IQCH: variants seen among roughly 807,000 people sequenced by gnomAD.
IQCH encodes IQ motif containing H.
A neutral mutation model predicts 117.0 loss-of-function variants in IQCH; 98 were observed. The observed-to-expected ratio is 0.84, with a 90% CI of 0.71 to 0.99. The LOEUF is 0.99. IQCH is among the 50% of genes least tolerant of loss of function. The pLI is 0.00. For missense variants in IQCH, 1,102 were observed against 1,243.8 expected (o/e 0.89, Z 1.72); for synonymous variants, 412 against 448.2 (o/e 0.92, Z 1.02).
intron 16 of IQCH, among the ~76,000 whole-genome samples, chr15:67,464,260 G>A (rs1358494279): frequency 6.6e-6 from 1 of 152,178 alleles, no homozygotes; most frequent in Non-Finnish European, 1.5e-5. Flanking sequence ...TGTGGGGATG[G>A]GGGATGACAA....
chr15:67,469,131 T>TC (rs1257685529), intron 17 of IQCH, among the ~76,000 whole-genome samples: 2 of 151,728 alleles, frequency 1.3e-5, no homozygotes, highest in African/African-American at 4.9e-5. Context: ...TTTTGTCTTT[T>TC]TTTTTCTCCT....
intron 19 of IQCH, among the ~76,000 whole-genome samples, chr15:67,492,365 G>C (rs1281082314): frequency 6.6e-6 from 1 of 152,150 alleles, no homozygotes; most frequent in Non-Finnish European, 1.5e-5. Context: ...GACACGACTG[G>C]AACCAGACAA....
At chr15:67,418,704 G>A (rs955504777) in intron 15 of IQCH, among the ~76,000 whole-genome samples, 5 of 150,376 alleles carry the variant, frequency 3.3e-5, no homozygotes, top group African/African-American at 1.2e-4. Context: ...TCAGCCTCCT[G>A]ATAGCTGGGA....
chr15:67,421,612 T>C, intron 16 of IQCH, 35 bp downstream of exon 16: 1 of 1,609,054 alleles, frequency 6.2e-7, no homozygotes, highest in East Asian at 2.2e-5. Flanking sequence ...AATGCTAAAA[T>C]ATGTAATGAC....
rs576393353 is a variant in IQCH at position 67,443,238 on chromosome 15, C to T, written c.2505+21661C>T. On this transcript the variant is annotated intron_variant, in intron 16 of 20. Coordinates refer to ENST00000335894, the MANE Select transcript of IQCH (RefSeq NM_001031715.3). This position sits in a 1 kb window ranked among gnomAD's most constrained non-coding sequence, Gnocchi z 5.0. ...CGATCTCCTGAACTCGTCATCCACC[C>T]GCCTCGGCCTCCCAAAGTGCTGGGA... 6.0e-4 allele frequency among the ~76,000 whole-genome samples: 92 copies of T among 152,266 alleles called. No individual in the cohort carries two copies. The highest frequency in any genetic ancestry group is 2.1e-3 in the African/African-American group (86 of 41,546).
In IQCH at chr15:67,384,328, C is replaced by T. The variant is rs574618259; in HGVS notation, c.1373-608C>T. On this transcript the variant is annotated intron_variant, in intron 10 of 20. Coordinates refer to ENST00000335894, the MANE Select transcript of IQCH (RefSeq NM_001031715.3). This position sits in a 1 kb window ranked among gnomAD's most constrained non-coding sequence, Gnocchi z 4.3. ...TTCATATGTGTTTTCCCTTCTGCTA[C>T]GTTTCCAGTGGAAATGAAGGCAAAC... is the stretch of plus-strand genomic sequence containing the variant. Among the ~76,000 whole-genome samples the T allele has an allele frequency of 1.6e-4, 25 of 152,110 alleles. No individual in the cohort carries two copies. Among genetic ancestry groups the T allele is most frequent in the African/African-American group, 5.5e-4 (23 of 41,498 alleles).
chr15:67,276,930 C>T (rs1455667656), intron 3 of IQCH, among the ~76,000 whole-genome samples: 1 of 152,008 alleles, frequency 6.6e-6, no homozygotes, highest in Non-Finnish European at 1.5e-5. Context: ...TTCCTTTGTC[C>T]CTTCTCTTGT....
intron 3 of IQCH, among the ~76,000 whole-genome samples, chr15:67,264,388 A>G (rs8025621): frequency 0.22 from 33,915 of 152,210 alleles, 4,313 homozygotes; most frequent in East Asian, 0.47. Flanking sequence ...CATCTGCCTC[A>G]GGGTCTCTCA....
chr15:67,408,813 T>C lies in IQCH; in HGVS notation c.2098-8118T>C, dbSNP rs1253004763. On this transcript the variant is annotated intron_variant, in intron 14 of 20. Coordinates refer to ENST00000335894, the MANE Select transcript of IQCH (RefSeq NM_001031715.3). This position sits in a 1 kb window ranked among gnomAD's most constrained non-coding sequence, Gnocchi z 4.2. ...TTTCTCTAACTGGAAAGAAAGACCC[T>C]ATTACCAGTAATGATAATTATGGCT... 1.3e-5 allele frequency among the ~76,000 whole-genome samples: 2 copies of C among 152,224 alleles called. No homozygotes were observed. The highest frequency in any genetic ancestry group is 2.9e-5 in the Non-Finnish European group (2 of 68,036).
intron 8 of IQCH, among the ~76,000 whole-genome samples, chr15:67,363,956 T>C (rs1477803686): frequency 6.6e-6 from 1 of 152,248 alleles, no homozygotes; most frequent in Non-Finnish European, 1.5e-5. Context: ...CAGTCTACTA[T>C]TGATGGTAAT....
In IQCH at chr15:67,441,180, G is replaced by A. The variant is rs539861521; in HGVS notation, c.2505+19603G>A. 3.4e-5 allele frequency among the ~76,000 whole-genome samples: 4 copies of A among 118,082 alleles called. No homozygotes were observed. The Admixed American group carries it at 3.5e-4, about 10-fold the overall frequency. 77.5% of individuals were successfully genotyped at this position (118,082 alleles called of 152,430 possible). Reference sequence around the variant, plus strand: ...AGTACTTAGGAATATACCTAACCAAGGAGTCAAAAGACCTCTGCAAGGAAA... The same window carrying A: ...AGTACTTAGGAATATACCTAACCAAAGAGTCAAAAGACCTCTGCAAGGAAA... On this transcript the variant is annotated intron_variant, in intron 16 of 20. Transcript: ENST00000335894.
intron 18 of IQCH, among the ~76,000 whole-genome samples, chr15:67,482,460 A>G (rs2083366170): frequency 6.6e-6 from 1 of 152,244 alleles, no homozygotes; most frequent in Non-Finnish European, 1.5e-5. Context: ...TCTAGAAGAT[A>G]TCATGGATCA....
chr15:67,447,767 C>A lies in IQCH; in HGVS notation c.2506-17360C>A, dbSNP rs898763079. On this transcript the variant is annotated intron_variant, in intron 16 of 20. Coordinates refer to ENST00000335894, the MANE Select transcript of IQCH (RefSeq NM_001031715.3). The surrounding 1 kb of genome is among the most constrained non-coding windows in gnomAD (Gnocchi z 5.3). ...TTGACCATGTCCAGTCCCTCTCAGT[C>A]CAGGAGCTGATACAAAGTAAAAGCC... is the stretch of plus-strand genomic sequence containing the variant. 4.6e-5 allele frequency among the ~76,000 whole-genome samples: 7 copies of A among 152,180 alleles called. No homozygotes were observed. The highest frequency in any genetic ancestry group is 1.0e-4 in the Non-Finnish European group (7 of 68,036).
Position 67,373,466 on chromosome 15 carries a change from A to C in IQCH, c.1372+33A>C, listed in dbSNP as rs199793915. 279 of 1,330,438 alleles carry C rather than the reference A, an allele frequency of 2.1e-4. 2 individuals carry two copies. In the East Asian group the frequency reaches 6.0e-3, roughly 29 times the overall value. The allele number at this position is 1,330,438 out of a possible 1,614,324, so 82.4% of individuals were successfully genotyped here. A position where few individuals can be genotyped will look rare whatever the true frequency, so the allele number is the denominator to read the frequency against. On this transcript the variant is annotated intron_variant, in intron 10 of 20. Transcript: ENST00000335894. Reference sequence around the variant, plus strand: ...ACTTTTGCCTGCAAATCTATCAGCAACCTCTATTACCCACCACATTATGGC... The same window carrying C: ...ACTTTTGCCTGCAAATCTATCAGCACCCTCTATTACCCACCACATTATGGC...
Position 67,474,202 on chromosome 15 carries a change from C to T in IQCH, c.2677-1494C>T, listed in dbSNP as rs1412237894. Among the ~76,000 whole-genome samples the T allele has an allele frequency of 2.0e-5, 3 of 151,888 alleles. No homozygotes were observed. Among genetic ancestry groups the T allele is most frequent in the Admixed American group, 6.6e-5 (1 of 15,224 alleles). On this transcript the variant is annotated intron_variant, in intron 17 of 20. Coordinates refer to ENST00000335894, the MANE Select transcript of IQCH (RefSeq NM_001031715.3). The surrounding 1 kb of genome is among the most constrained non-coding windows in gnomAD (Gnocchi z 4.1). Reference sequence around the variant, plus strand: ...CTTGCGTTATCTCAGAGACAGGAGGCGAGCCAGAGGCCTGATTATAATGCA... The same window carrying T: ...CTTGCGTTATCTCAGAGACAGGAGGTGAGCCAGAGGCCTGATTATAATGCA...
chr15:67,435,838 C>T (rs2082124092), intron 16 of IQCH, among the ~76,000 whole-genome samples: 1 of 151,606 alleles, frequency 6.6e-6, no homozygotes, highest in South Asian at 2.1e-4. Flanking sequence ...CATCACTGCA[C>T]TCAACCTGGG....
At chr15:67,434,754 A>T (rs1596368183) in intron 16 of IQCH, among the ~76,000 whole-genome samples, 3 of 150,930 alleles carry the variant, frequency 2.0e-5, no homozygotes, top group Admixed American at 2.0e-4. Context: ...CATTCTCACC[A>T]ATACTTATCT....
chr15:67,500,101 A>C lies in IQCH; in HGVS notation c.2971-532A>C, dbSNP rs1234692523. On this transcript the variant is annotated intron_variant, in intron 20 of 20. Transcript: ENST00000335894. This position sits in a 1 kb window ranked among gnomAD's most constrained non-coding sequence, Gnocchi z 4.4. ...CTGAATTGTATACTTTATAAGGGTG[A>C]ATTTTATGGTATGGGAATTGTACTT... Among the ~76,000 whole-genome samples, 1 of 152,184 alleles carries C rather than the reference A, an allele frequency of 6.6e-6. No homozygotes were observed. Among genetic ancestry groups the C allele is most frequent in the Non-Finnish European group, 1.5e-5 (1 of 68,026 alleles).
chr15:67,498,244 T>C (rs1262055375), intron 20 of IQCH, among the ~76,000 whole-genome samples: 1 of 152,134 alleles, frequency 6.6e-6, no homozygotes, highest in African/African-American at 2.4e-5. Context: ...AACAATTCAA[T>C]GGAGAAAAAA....
Sources: gnomAD v4.1 joint callset for allele counts (sites outside exome capture counted in the v4.1 genomes callset) on GRCh38, gnomAD v4.1.1 for gene constraint, Gnocchi (gnomAD v3.1) non-coding constraint, MANE v1.5 for transcripts, NCBI Gene and HGNC (gene_info 2026-07-23, HGNC 2026-07-21) for gene names.